Variants in CCDC57 observed in about 807,000 individuals in gnomAD.
The protein encoded by CCDC57 is coiled-coil domain containing 57, also known as coiled-coil domain-containing protein 57.
Under a neutral mutation model 118.9 loss-of-function variants are expected in CCDC57, and 118 were observed. The ratio of observed to expected loss-of-function variants is 0.99; its 90% CI spans 0.86 to 1.16. The LOEUF (loss-of-function observed/expected upper bound fraction) is 1.16. Among genes scored for constraint, CCDC57 ranks in the 50% most tolerant of loss-of-function variants. The pLI is 0.00. For missense variants in CCDC57, 1,300 were observed against 1,320.7 expected (o/e 0.98, Z 0.24); for synonymous variants, 527 against 532.9 (o/e 0.99, Z 0.15).
At chr17:82,185,139 C>G (rs1279450918) in intron 8 of CCDC57, 2 of 147,944 alleles carry the variant, frequency 1.4e-5, no homozygotes, top group Non-Finnish European at 3.0e-5. Context: ...TGAGCCCTCA[C>G]TGCAGGGACA....
chr17:82,166,501 C>T (rs751970105), intron 13 of CCDC57, among the ~76,000 whole-genome samples: 3 of 151,342 alleles, frequency 2.0e-5, no homozygotes, highest in Non-Finnish European at 4.4e-5. Flanking sequence ...GGTGACAGAT[C>T]GAGACCCTGT....
chr17:82,148,998 A>G (rs368721384), intron 16 of CCDC57, among the ~76,000 whole-genome samples: 296 of 18,282 alleles, frequency 0.016, no homozygotes, highest in Middle Eastern at 0.062. Flanking sequence ...TAGATGGATG[A>G]ATGGATGGGT....
At chr17:82,180,749 A>G (rs891391984) in intron 9 of CCDC57, among the ~76,000 whole-genome samples, 8 of 152,266 alleles carry the variant, frequency 5.3e-5, no homozygotes, top group Non-Finnish European at 1.2e-4. Context: ...TGCTGGGATT[A>G]CAGGCGTGAG....
At chr17:82,184,761 C>A (rs1049169636) in intron 8 of CCDC57, among the ~76,000 whole-genome samples, 5 of 152,342 alleles carry the variant, frequency 3.3e-5, no homozygotes, top group African/African-American at 1.2e-4. Context: ...ATGAGTGGTG[C>A]ACTCAAGCCT....
At chr17:82,187,875 TG>T (rs548289801) in intron 8 of CCDC57, among the ~76,000 whole-genome samples, 278 of 151,510 alleles carry the variant, frequency 1.8e-3, no homozygotes, top group Non-Finnish European at 3.4e-3. Flanking sequence ...TGGAAAGTTC[TG>T]GAGATGACAG....
chr17:82,182,247 A>G (rs940906356), intron 9 of CCDC57, among the ~76,000 whole-genome samples: 2 of 151,596 alleles, frequency 1.3e-5, no homozygotes, highest in East Asian at 1.9e-4. Context: ...TTGAAGATAC[A>G]TGATGTTTTA....
intron 16 of CCDC57, 96 bp from the exon 16 acceptor site, chr17:82,134,290 T>G: frequency 1.6e-6 from 2 of 1,214,174 alleles, no homozygotes; most frequent in Non-Finnish European, 2.1e-6. Flanking sequence ...AGCATGTTCC[T>G]TTTCAAAACC....
chr17:82,104,208 C>T (rs1462648856), intron 19 of CCDC57, among the ~76,000 whole-genome samples: 1 of 152,262 alleles, frequency 6.6e-6, no homozygotes, highest in African/African-American at 2.4e-5. Context: ...TTTGCCGAGC[C>T]TGGCCGGGAT....
intron 19 of CCDC57, among the ~76,000 whole-genome samples, chr17:82,119,623 G>A (rs529189341): frequency 2.6e-5 from 4 of 152,112 alleles, no homozygotes; most frequent in Non-Finnish European, 5.9e-5. Flanking sequence ...GCAGGTGCTG[G>A]GCAAACAAGG....
intron 3 of CCDC57, among the ~76,000 whole-genome samples, chr17:82,201,155 T>G (rs1251115837): frequency 1.3e-5 from 2 of 152,236 alleles, no homozygotes; most frequent in African/African-American, 4.8e-5. Flanking sequence ...TCGACTTGCC[T>G]TAAGTCAGCT....
chr17:82,127,347 GGGCTCC>G (rs879270997), intron 19 of CCDC57: 564,515 of 981,580 alleles, frequency 0.58, 164,839 homozygotes, highest in Non-Finnish European at 0.59. Flanking sequence ...CGTCTCACCT[GGGCTCC>G]ATTCTAAGTC....
chr17:82,128,859 C>T (rs2145274071), intron 17 of CCDC57, among the ~76,000 whole-genome samples: 1 of 152,248 alleles, frequency 6.6e-6, no homozygotes, highest in East Asian at 1.9e-4. Context: ...GGGTGAGAGC[C>T]CCCCGGCCCA....
intron 11 of CCDC57, among the ~76,000 whole-genome samples, chr17:82,177,036 G>A (rs2045606863): frequency 6.6e-6 from 1 of 151,898 alleles, no homozygotes; most frequent in Non-Finnish European, 1.5e-5. Context: ...ACCTGAGGTC[G>A]GGAGTTCAAG....
chr17:82,134,830 A>G (rs1328780946), intron 16 of CCDC57, among the ~76,000 whole-genome samples: 1 of 152,110 alleles, frequency 6.6e-6, no homozygotes, highest in South Asian at 2.1e-4. Flanking sequence ...GCTTAAGTAT[A>G]ACAACTTAAA....
intron 18 of CCDC57, 27 bp from the exon 18 acceptor site, chr17:82,127,935 G>A (rs1400361835): frequency 6.2e-7 from 1 of 1,609,450 alleles, no homozygotes. Context: ...CGTCTTGAAA[G>A]CCACCCTCTC....
At chr17:82,166,103 T>A (rs983700476) in intron 13 of CCDC57, among the ~76,000 whole-genome samples, 7 of 148,922 alleles carry the variant, frequency 4.7e-5, no homozygotes, top group African/African-American at 7.4e-5. Flanking sequence ...CTTGGCAATA[T>A]AGTGAGACTC....
intron 15 of CCDC57, 162 bp downstream of exon 14, chr17:82,157,586 G>C (rs1599005803): frequency 7.0e-7 from 1 of 1,436,018 alleles, no homozygotes; most frequent in South Asian, 1.5e-5. Context: ...AATGGGGAGA[G>C]GGGGTGGAGC....
exon 6 of CCDC57, chr17:82,194,133 G>A (rs2146744737): frequency 6.2e-7 from 1 of 1,611,574 alleles, no homozygotes; most frequent in East Asian, 2.2e-5. Context: ...TTGTGCAGTA[G>A]TTTAACCTTT....
intron 19 of CCDC57, among the ~76,000 whole-genome samples, chr17:82,119,885 A>C (rs2036439520): frequency 6.6e-6 from 1 of 152,162 alleles, no homozygotes; most frequent in African/African-American, 2.4e-5. Context: ...AGCCGCATCC[A>C]GGGTGTATGG....
Sources: allele counts gnomAD v4.1 joint callset (sites outside exome capture counted in the v4.1 genomes callset), GRCh38; gene constraint gnomAD v4.1.1; transcripts MANE v1.5; gene names NCBI Gene and HGNC (gene_info 2026-07-23, HGNC 2026-07-21).